CPEB3: variants seen among roughly 807,000 people sequenced by gnomAD.
CPEB3 encodes the protein cytoplasmic polyadenylation element-binding protein 3.
CPEB3 carries 20 observed loss-of-function variants against 67.2 expected under a neutral mutation model. The ratio of observed to expected loss-of-function variants is 0.30; its 90% confidence interval spans 0.21 to 0.43. The LOEUF is 0.43. Ranked by LOEUF, CPEB3 falls within the 20% of genes least tolerant of loss-of-function variation. CPEB3 has a pLI of 1.00. For synonymous variants in CPEB3, 376 were observed against 393.1 expected (o/e 0.96, Z 0.51); for missense variants, 746 against 968.6 (o/e 0.77, Z 3.05).
At chr10:92,120,533 G>A (rs926320662) in intron 6 of CPEB3, among the ~76,000 whole-genome samples, 5 of 151,966 alleles carry the variant, frequency 3.3e-5, no homozygotes, top group Non-Finnish European at 4.4e-5. Context: ...GCAGTGAGCC[G>A]AGACTGCACC....
intron 4 of CPEB3, among the ~76,000 whole-genome samples, chr10:92,164,474 C>T (rs1350061989): frequency 6.6e-6 from 1 of 152,162 alleles, no homozygotes; most frequent in Admixed American, 6.5e-5. Context: ...CCTCCCCTAA[C>T]TCATGGTTCC....
At chr10:92,237,294 A>C (rs1000931341) in intron 2 of CPEB3, among the ~76,000 whole-genome samples, 1 of 152,226 alleles carries the variant, frequency 6.6e-6, no homozygotes, top group African/African-American at 2.4e-5. Context: ...AATTCTTCCC[A>C]AGGCCAAATA....
chr10:92,139,349 C>A (rs1233212545), intron 6 of CPEB3, among the ~76,000 whole-genome samples: 1 of 149,140 alleles, frequency 6.7e-6, no homozygotes, highest in African/African-American at 2.5e-5. Flanking sequence ...TATTCAGCCA[C>A]GAAAAAAAAG....
At chr10:92,154,763 C>G (rs11186839) in intron 4 of CPEB3, among the ~76,000 whole-genome samples, 33,810 of 152,212 alleles carry the variant, frequency 0.22, 4,713 homozygotes, top group Middle Eastern at 0.34. Flanking sequence ...GCTTCCCATT[C>G]CTATTCCATT....
intron 9 of CPEB3, among the ~76,000 whole-genome samples, chr10:92,061,433 A>AC (rs1842345514): frequency 2.0e-5 from 3 of 151,332 alleles, no homozygotes; most frequent in Admixed American, 1.3e-4. Context: ...AAAAAAAAAA[A>AC]AAAAAAAAAA....
rs113444635 is a variant in CPEB3 at position 92,140,071 on chromosome 10, C to CA, written c.1453+2957dup. 4.9e-3 allele frequency among the ~76,000 whole-genome samples: 560 copies of CA among 114,460 alleles called. 1 individual carries two copies. The highest frequency in any genetic ancestry group is 6.9e-3 in the South Asian group (19 of 2,758). The allele number at this position is 114,460 out of a possible 152,430, so 75.1% of individuals were successfully genotyped here. On this transcript the variant is annotated intron_variant, in intron 6 of 9. Coordinates refer to ENST00000265997, the MANE Select transcript of CPEB3 (RefSeq NM_014912.5). ...TGGGCAACAGAGTGAGACTCTGTCT[C>CA]AAAAAAAAAAAAAAAAATCAAGCTA... is the stretch of plus-strand genomic sequence containing the variant.
intron 9 of CPEB3, among the ~76,000 whole-genome samples, chr10:92,068,507 C>T (rs769689883): frequency 9.9e-5 from 15 of 152,170 alleles, no homozygotes; most frequent in Non-Finnish European, 2.2e-4. Flanking sequence ...TGCTAACTTA[C>T]TTCTAACACC....
chr10:92,253,692 T>C (rs1434349967), intron 1 of CPEB3, among the ~76,000 whole-genome samples: 1 of 151,372 alleles, frequency 6.6e-6, no homozygotes, highest in African/African-American at 2.4e-5. Context: ...TGCAGTGAGC[T>C]GTGATTGTGC....
intron 1 of CPEB3, among the ~76,000 whole-genome samples, chr10:92,245,810 C>G (rs1852035226): frequency 6.8e-6 from 1 of 147,304 alleles, no homozygotes; most frequent in African/African-American, 2.5e-5. Flanking sequence ...GCCGAGGCGG[C>G]TGGATCACCT....
intron 4 of CPEB3, among the ~76,000 whole-genome samples, chr10:92,145,930 C>A (rs575367024): frequency 2.0e-5 from 3 of 152,190 alleles, no homozygotes; most frequent in African/African-American, 7.2e-5. Flanking sequence ...AACTAAAGAT[C>A]ATCAAGTTTT....
At chr10:92,246,657 C>T (rs1379449720) in intron 1 of CPEB3, among the ~76,000 whole-genome samples, 1 of 151,794 alleles carries the variant, frequency 6.6e-6, no homozygotes, top group African/African-American at 2.4e-5. Context: ...TTCAGGCACC[C>T]ACCACCACGC....
At chr10:92,232,983 A>T (rs189949531) in intron 2 of CPEB3, among the ~76,000 whole-genome samples, 2 of 152,280 alleles carry the variant, frequency 1.3e-5, no homozygotes, top group Middle Eastern at 3.4e-3. Context: ...CAAAAACCTA[A>T]TATTTCCTAA....
intron 2 of CPEB3, among the ~76,000 whole-genome samples, chr10:92,198,664 TA>T (rs1471986286): frequency 6.6e-6 from 1 of 152,242 alleles, no homozygotes; most frequent in Non-Finnish European, 1.5e-5. Context: ...GGCACTGGAC[TA>T]AATGGTTTAA....
chr10:92,143,367 C>T (rs1314779825), intron 5 of CPEB3, among the ~76,000 whole-genome samples: 1 of 152,102 alleles, frequency 6.6e-6, no homozygotes, highest in Admixed American at 6.6e-5. Context: ...ATAAACTTGA[C>T]ATAAAGAATT....
intron 9 of CPEB3, 133 bp downstream of exon 9, chr10:92,081,187 G>A: frequency 1.1e-6 from 1 of 925,350 alleles, no homozygotes; most frequent in Non-Finnish European, 1.7e-6. Context: ...AGGCAGCCTA[G>A]ATGAATTCAT....
intron 2 of CPEB3, among the ~76,000 whole-genome samples, chr10:92,198,360 A>G (rs1849341350): frequency 6.6e-6 from 1 of 152,154 alleles, no homozygotes; most frequent in Admixed American, 6.5e-5. Context: ...CCTGCAACAC[A>G]AGCAACTTGA....
Position 92,049,775 on chromosome 10 carries a change from G to T in CPEB3, c.*2437C>A, listed in dbSNP as rs1450243110. ...TGTTATTTTAATACATGAAAGAGGG[G>T]TGCTTCTTCAAAAAGTTTTGCTTCT... On this transcript the variant is annotated 3_prime_UTR_variant, in exon 10 of 10. Transcript: ENST00000265997. The T allele has an allele frequency of 6.6e-6, 1 of 152,374 alleles. No individual in the cohort carries two copies. Among genetic ancestry groups the T allele is most frequent in the Non-Finnish European group, 1.5e-5 (1 of 67,986 alleles). 9.4% of individuals were successfully genotyped at this position (152,374 alleles called of 1,614,324 possible).
chr10:92,200,640 T>G (rs1849480325), intron 2 of CPEB3, among the ~76,000 whole-genome samples: 1 of 151,788 alleles, frequency 6.6e-6, no homozygotes. Flanking sequence ...TCCACTTACT[T>G]AAAGCTTTTT....
chr10:92,277,659 G>A (rs1480420140), intron 1 of CPEB3, among the ~76,000 whole-genome samples: 1 of 152,178 alleles, frequency 6.6e-6, no homozygotes, highest in Non-Finnish European at 1.5e-5. Flanking sequence ...GGGAGGTCAA[G>A]GTTGGTGGAT....
Sources: gnomAD v4.1 joint callset for allele counts (sites outside exome capture counted in the v4.1 genomes callset) on GRCh38, gnomAD v4.1.1 for gene constraint, MANE v1.5 for transcripts, NCBI Gene and HGNC (gene_info 2026-07-23, HGNC 2026-07-21) for gene names.